ARSG: variants seen among roughly 807,000 people sequenced by gnomAD.
ARSG encodes ASG.
ARSG carries 37 observed loss-of-function variants against 50.5 expected under a neutral mutation model. That is an observed-to-expected ratio of 0.73 (90% confidence interval 0.56 to 0.96). The LOEUF (loss-of-function observed/expected upper bound fraction) is 0.96. ARSG is among the 50% of genes least tolerant of loss of function. ARSG has a pLI of 0.00. For synonymous variants in ARSG, 225 were observed against 254.6 expected (o/e 0.88, Z 1.11); for missense variants, 629 against 675.3 (o/e 0.93, Z 0.76).
chr17:68,389,895 T>C (rs1177973030), intron 9 of ARSG, among the ~76,000 whole-genome samples: 1 of 152,174 alleles, frequency 6.6e-6, no homozygotes, highest in East Asian at 1.9e-4. Flanking sequence ...TGGTTCCTTC[T>C]GGAACGAGCC....
intron 1 of ARSG, among the ~76,000 whole-genome samples, chr17:68,298,612 AAAAAG>A (rs1227374656): frequency 5.3e-5 from 8 of 151,536 alleles, no homozygotes; most frequent in Non-Finnish European, 7.4e-5. Flanking sequence ...AAAAAAAAAA[AAAAAG>A]AGAAGAACAC....
At chr17:68,435,779 C>T in the ARSG span, 2 of 1,436,096 alleles carry the variant, frequency 1.4e-6, no homozygotes, top group African/African-American at 2.8e-5. Flanking sequence ...CACCTCCCTC[C>T]CCTTCCTCTT....
chr17:68,371,048 C>T lies in ARSG; in HGVS notation c.982+524C>T, dbSNP rs547546898. Among the ~76,000 whole-genome samples, 33 of 152,138 alleles carry T rather than the reference C, an allele frequency of 2.2e-4. 1 individual carries two copies. The highest frequency in any genetic ancestry group is 7.2e-4 in the African/African-American group (30 of 41,502). On this transcript the variant is annotated intron_variant, in intron 8 of 11. Transcript: ENST00000621439. The stretch of plus-strand genomic sequence containing the variant: ...AGAAAAAGAGAGGCTAGGCCGGGCG[C>T]GGTGGCTCACGCCTGTAATCCCAGC...
At chr17:68,406,183 C>A (rs751811941) in intron 11 of ARSG, among the ~76,000 whole-genome samples, 5 of 152,172 alleles carry the variant, frequency 3.3e-5, no homozygotes, top group Non-Finnish European at 5.9e-5. Flanking sequence ...AGAATAATAG[C>A]CTCCAGTCTC....
chr17:68,444,735 A>T, the ARSG span: 3 of 614,986 alleles, frequency 4.9e-6, no homozygotes, highest in South Asian at 4.5e-5. Context: ...GATTGTGTTT[A>T]TGGATGTACA....
At chr17:68,439,858 G>C in the ARSG span, among the ~76,000 whole-genome samples, 1 of 152,130 alleles carries the variant, frequency 6.6e-6, no homozygotes, top group African/African-American at 2.4e-5. Context: ...CCAAGCCTTC[G>C]TTTCTTACTT....
At chr17:68,402,739 A>G (rs1004617959) in intron 11 of ARSG, among the ~76,000 whole-genome samples, 3 of 149,000 alleles carry the variant, frequency 2.0e-5, no homozygotes, top group African/African-American at 7.4e-5. Context: ...GTTAGCCAGG[A>G]TGGTCTTGAT....
At chr17:68,276,320 T>G (rs2075518680) in intron 1 of ARSG, among the ~76,000 whole-genome samples, 1 of 152,090 alleles carries the variant, frequency 6.6e-6, no homozygotes, top group South Asian at 2.1e-4. Flanking sequence ...GTAAAGACAT[T>G]CTATGGCTAA....
At chr17:68,346,389 CCCG>C (rs1644302425) in intron 3 of ARSG, among the ~76,000 whole-genome samples, 1 of 152,162 alleles carries the variant, frequency 6.6e-6, no homozygotes, top group African/African-American at 2.4e-5. Context: ...CCTGTGGTTG[CCCG>C]TTAATCTCTC....
chr17:68,322,024 C>T (rs1192151544), intron 2 of ARSG, among the ~76,000 whole-genome samples: 2 of 152,104 alleles, frequency 1.3e-5, no homozygotes, highest in Non-Finnish European at 2.9e-5. Flanking sequence ...GTGGGTACAG[C>T]GTCTCCAAAG....
chr17:68,277,977 C>T, intron 1 of ARSG: 2 of 690,472 alleles, frequency 2.9e-6, no homozygotes, highest in Admixed American at 2.7e-5. Flanking sequence ...GAAGGACCAA[C>T]AGGCGTATAA....
chr17:68,423,539 G>C (rs2082948201), downstream of ARSG, among the ~76,000 whole-genome samples: 1 of 152,160 alleles, frequency 6.6e-6, no homozygotes, highest in Admixed American at 6.5e-5. This position sits in a 1 kb window ranked among gnomAD's most constrained non-coding sequence, Gnocchi z 4.4. Context: ...CTTGTTCAGT[G>C]ACCACTCTCA....
the ARSG span, chr17:68,448,304 C>T: frequency 6.6e-6 from 1 of 152,196 alleles, no homozygotes; most frequent in African/African-American, 2.4e-5. Flanking sequence ...ACTTCCCAGA[C>T]CTGTTTCAAA....
chr17:68,397,992 C>A (rs1044983136), intron 10 of ARSG, among the ~76,000 whole-genome samples: 10 of 152,166 alleles, frequency 6.6e-5, no homozygotes, highest in Non-Finnish European at 1.0e-4. Flanking sequence ...GTGTCAAACT[C>A]CTGACCTCAG....
Position 68,351,585 on chromosome 17 carries a change from CT to C in ARSG, c.466del (p.Tyr156ThrfsTer59). 6.2e-7 allele frequency: 1 copy of C among 1,610,184 alleles called. No homozygotes were observed. The highest frequency in any genetic ancestry group is 1.7e-5 in the Admixed American group (1 of 59,994). On this transcript the variant is annotated frameshift_variant, in exon 5 of 12. Coordinates refer to ENST00000621439, the MANE Select transcript of ARSG (RefSeq NM_001267727.2). LOFTEE classifies it high-confidence loss of function. Reference protein sequence around the residue: ...YHPNFRGFDYYFGIPYSHDMG... With the variant: ...YHPNFRGFDYXFGIPYSHDMG... ...TTGCTTCTATTCCAGGTTTTGATTA[CT>C]ACTTTGGAATCCCATATAGCCATGA...
At chr17:68,406,826 TTACTC>T (rs1232547027) in intron 11 of ARSG, among the ~76,000 whole-genome samples, 1 of 152,204 alleles carries the variant, frequency 6.6e-6, no homozygotes, top group Non-Finnish European at 1.5e-5. Context: ...TGTGGGCTGT[TTACTC>T]TGCTGACTGT....
Position 68,351,597 on chromosome 17 carries a change from C to T in ARSG, c.477C>T (p.Ile159=), listed in dbSNP as rs766550862. Residue 159 remains isoleucine (I), a synonymous_variant, in exon 5 of 12, where the codon ATC becomes ATT. Transcript: ENST00000621439. ...NFRGFDYYFG[I]PYSHDMGCTD... ...CAGGTTTTGATTACTACTTTGGAAT[C>T]CCATATAGCCATGATATGGGCTGTA... 6 of 1,612,746 alleles carry T rather than the reference C, an allele frequency of 3.7e-6. No homozygotes were observed. Among genetic ancestry groups the T allele is most frequent in the Non-Finnish European group, 5.1e-6 (6 of 1,178,858 alleles).
At chr17:68,270,758 T>G (rs1555748198) in intron 1 of ARSG, 1 of 1,313,424 alleles carries the variant, frequency 7.6e-7, no homozygotes, top group African/African-American at 1.5e-5. Flanking sequence ...GCAGTAAGTT[T>G]TTTTTATGGC....
intron 11 of ARSG, 134 bp downstream of exon 11, chr17:68,401,584 G>A (rs766415664): frequency 3.6e-5 from 26 of 726,182 alleles, no homozygotes; most frequent in Non-Finnish European, 5.6e-5. Flanking sequence ...CTTGACAAGC[G>A]TCTCCTCCAA....
Sources: gnomAD v4.1 joint callset for allele counts (sites outside exome capture counted in the v4.1 genomes callset) on GRCh38, gnomAD v4.1.1 for gene constraint, Gnocchi (gnomAD v3.1) non-coding constraint, MANE v1.5 for transcripts, NCBI Gene and HGNC (gene_info 2026-07-23, HGNC 2026-07-21) for gene names.